TEKT5: variants seen among roughly 807,000 people sequenced by gnomAD.
The protein encoded by TEKT5 is tektin 5.
Under a neutral mutation model 48.7 loss-of-function variants are expected in TEKT5, and 52 were observed. That is an observed-to-expected ratio of 1.07 (90% CI 0.86 to 1.35). The LOEUF (loss-of-function observed/expected upper bound fraction) is 1.35. Among genes scored for constraint, TEKT5 ranks in the 40% most tolerant of loss-of-function variants. TEKT5 has a pLI of 0.00. For missense variants in TEKT5, 831 were observed against 641.6 expected, an observed-to-expected ratio of 1.30 and a Z score of -3.19; for synonymous variants, 318 against 267.6, an observed-to-expected ratio of 1.19 and a Z score of -1.84.
intron 6 of TEKT5, among the ~76,000 whole-genome samples, chr16:10,628,550 G>GGATT (rs1345625599): frequency 6.6e-6 from 1 of 152,204 alleles, no homozygotes; most frequent in African/African-American, 2.4e-5. Flanking sequence ...ATGGATGGAT[G>GGATT]AGTGGATAAG....
intron 5 of TEKT5, among the ~76,000 whole-genome samples, chr16:10,662,471 A>C (rs895217963): frequency 2.0e-5 from 3 of 152,192 alleles, no homozygotes; most frequent in African/African-American, 7.2e-5. Flanking sequence ...GGTTAACCAC[A>C]AACAACTCAC....
chr16:10,660,185 C>G (rs531120094), intron 5 of TEKT5, among the ~76,000 whole-genome samples: 2 of 152,276 alleles, frequency 1.3e-5, no homozygotes, highest in African/African-American at 4.8e-5. Flanking sequence ...CTAGCCCAGC[C>G]TCCCTCAACC....
At chr16:10,671,472 C>T (rs754606096) in intron 5 of TEKT5, among the ~76,000 whole-genome samples, 1 of 152,200 alleles carries the variant, frequency 6.6e-6, no homozygotes, top group Non-Finnish European at 1.5e-5. Context: ...GAAGGAAATT[C>T]TGACACATGC....
intron 5 of TEKT5, among the ~76,000 whole-genome samples, chr16:10,649,607 G>A (rs1036316762): frequency 6.7e-6 from 1 of 150,278 alleles, no homozygotes; most frequent in Non-Finnish European, 1.5e-5. Context: ...GCTAGTTTTT[G>A]TATTTTTTTG....
intron 5 of TEKT5, among the ~76,000 whole-genome samples, chr16:10,650,352 C>T (rs1342660147): frequency 3.9e-5 from 6 of 152,008 alleles, no homozygotes; most frequent in Non-Finnish European, 8.8e-5. Flanking sequence ...CTGCCCACCT[C>T]GGCCTCCCAA....
chr16:10,673,141 AAC>A (rs1206239941), intron 5 of TEKT5, among the ~76,000 whole-genome samples: 6 of 152,192 alleles, frequency 3.9e-5, no homozygotes, highest in African/African-American at 1.4e-4. Context: ...GAGCAATGAA[AAC>A]ACAGTCTCAG....
At chr16:10,678,681 G>C (rs182496391) in intron 4 of TEKT5, among the ~76,000 whole-genome samples, 1 of 152,306 alleles carries the variant, frequency 6.6e-6, no homozygotes, top group Admixed American at 6.5e-5. Flanking sequence ...ACAGCAGAGA[G>C]AAACATGCAG....
intron 6 of TEKT5, 124 bp downstream of exon 6, chr16:10,635,640 G>T: frequency 7.1e-7 from 1 of 1,411,486 alleles, no homozygotes. Flanking sequence ...TGTGGGACTG[G>T]ATGTCCTGAT....
intron 5 of TEKT5, among the ~76,000 whole-genome samples, chr16:10,639,226 G>C (rs997907586): frequency 3.3e-5 from 5 of 152,136 alleles, no homozygotes; most frequent in African/African-American, 1.2e-4. Flanking sequence ...AGAACTGTTT[G>C]AGCCCAGGAG....
chr16:10,681,894 A>T, intron 4 of TEKT5, 99 bp downstream of exon 4: 1 of 1,474,516 alleles, frequency 6.8e-7, no homozygotes, highest in Admixed American at 1.9e-5. Context: ...CTTCCCACTT[A>T]ACTGGTGCAC....
In TEKT5 at chr16:10,694,883, T is replaced by C; in HGVS notation, c.-10A>G. On this transcript the variant is annotated 5_prime_UTR_variant, in exon 1 of 7. It removes an upstream start codon present in the reference 5' UTR. Coordinates refer to ENST00000283025, the MANE Select transcript of TEKT5 (RefSeq NM_144674.2). ...TCCCAAGAAACTCCATCCTCCCTCA[T>C]GAGCCCCACTCGGGCAAAACTCAGC... is the stretch of plus-strand genomic sequence containing the variant. 1 of 1,533,492 alleles carries C rather than the reference T, an allele frequency of 6.5e-7. No homozygotes were observed. The highest frequency in any genetic ancestry group is 1.4e-5 in the African/African-American group (1 of 72,374). The allele number at this position is 1,533,492 out of a possible 1,614,324, so 95.0% of individuals were successfully genotyped here. A position where few individuals can be genotyped will look rare whatever the true frequency, so the allele number is the denominator to read the frequency against.
At chr16:10,684,622 G>C (rs987342906) in intron 3 of TEKT5, among the ~76,000 whole-genome samples, 11 of 152,158 alleles carry the variant, frequency 7.2e-5, no homozygotes, top group African/African-American at 2.7e-4. Context: ...GGAATGTGAA[G>C]CGAGGCCAGG....
chr16:10,627,925 C>T, intron 6 of TEKT5, 126 bp from the exon 7 acceptor site: 4 of 824,376 alleles, frequency 4.9e-6, no homozygotes, highest in Non-Finnish European at 7.6e-6. Context: ...TCACTGCAAC[C>T]TCTGCCTCCC....
At chr16:10,685,386 G>C (rs1337875578) in intron 3 of TEKT5, among the ~76,000 whole-genome samples, 1 of 151,946 alleles carries the variant, frequency 6.6e-6, no homozygotes, top group Non-Finnish European at 1.5e-5. Flanking sequence ...TACAACCTCC[G>C]CCTCTTGGGT....
At chr16:10,669,028 G>A (rs1452409019) in intron 5 of TEKT5, among the ~76,000 whole-genome samples, 3 of 152,058 alleles carry the variant, frequency 2.0e-5, no homozygotes, top group South Asian at 2.1e-4. Context: ...AAGAGACGCT[G>A]GAAATCTGAA....
At chr16:10,643,949 G>A in intron 5 of TEKT5, among the ~76,000 whole-genome samples, 1 of 152,144 alleles carries the variant, frequency 6.6e-6, no homozygotes, top group Non-Finnish European at 1.5e-5. Flanking sequence ...GGCTGAGGCA[G>A]GAGAATTGCT....
At chr16:10,633,655 GC>G (rs765720907) in intron 6 of TEKT5, among the ~76,000 whole-genome samples, 39 of 152,238 alleles carry the variant, frequency 2.6e-4, no homozygotes, top group South Asian at 2.3e-3. Context: ...CAATCCTTCT[GC>G]CTCAGCCTCC....
chr16:10,631,626 T>A (rs1386105526), intron 6 of TEKT5, among the ~76,000 whole-genome samples: 1 of 152,026 alleles, frequency 6.6e-6, no homozygotes, highest in Non-Finnish European at 1.5e-5. Context: ...TCATCCTGGA[T>A]TTAGGGTGAC....
chr16:10,658,595 G>A (rs1010501118), intron 5 of TEKT5, among the ~76,000 whole-genome samples: 5 of 152,148 alleles, frequency 3.3e-5, no homozygotes, highest in African/African-American at 1.2e-4. Context: ...GGGAGGGGGT[G>A]TAGACTGAGA....
Sources: allele counts gnomAD v4.1 joint callset (sites outside exome capture counted in the v4.1 genomes callset), GRCh38; gene constraint gnomAD v4.1.1; transcripts MANE v1.5; gene names NCBI Gene and HGNC (gene_info 2026-07-23, HGNC 2026-07-21).